SNX31: variants seen among roughly 807,000 people sequenced by gnomAD.
SNX31 encodes sorting nexin-31.
Under a neutral mutation model 65.4 loss-of-function variants are expected in SNX31, and 58 were observed. The observed-to-expected ratio is 0.89, with a 90% CI of 0.72 to 1.10. The LOEUF is 1.10. SNX31 is among the 50% of genes least tolerant of loss of function. The probability of loss-of-function intolerance (pLI) is 0.00; values close to 1 mark genes in which losing one functional copy is unlikely to be tolerated. For missense variants in SNX31, 523 were observed against 529.7 expected (o/e 0.99, Z 0.12); for synonymous variants, 181 against 190.1 (o/e 0.95, Z 0.39).
Position 100,613,304 on chromosome 8 carries a change from C to G in SNX31, c.433-219G>C, listed in dbSNP as rs564503694. 2.6e-5 allele frequency among the ~76,000 whole-genome samples: 4 copies of G among 152,176 alleles called. No homozygotes were observed. In the South Asian group the frequency reaches 8.3e-4, roughly 32 times the overall value. On this transcript the variant is annotated intron_variant, in intron 5 of 13. Transcript: ENST00000311812. This position sits in a 1 kb window ranked among gnomAD's most constrained non-coding sequence, Gnocchi z 5.2. ...TAGAATAAAGAAAATAAAAATCAGC[C>G]CCACCACAATGGACAGAGGCTGGCC...
rs547244876 is a variant in SNX31 at position 100,610,314 on chromosome 8, C to G, written c.611+1686G>C. On this transcript the variant is annotated intron_variant, in intron 7 of 13. Transcript: ENST00000311812. This position sits in a 1 kb window ranked among gnomAD's most constrained non-coding sequence, Gnocchi z 4.0. ...AGAATCATCATCTCTCCTTTGATCT[C>G]AGGTTTTATGAAGCGCACATGAGTG... Among the ~76,000 whole-genome samples, 1 of 151,794 alleles carries G rather than the reference C, an allele frequency of 6.6e-6. No homozygotes were observed. The highest frequency in any genetic ancestry group is 1.5e-5 in the Non-Finnish European group (1 of 67,996).
intron 5 of SNX31, among the ~76,000 whole-genome samples, chr8:100,616,837 A>T (rs1817248205): frequency 6.6e-6 from 1 of 152,230 alleles, no homozygotes; most frequent in Admixed American, 6.5e-5. Context: ...TAACCCAAGC[A>T]CAAGAACGTT....
At chr8:100,650,268 C>A (rs996376616), upstream of SNX31, among the ~76,000 whole-genome samples, 3 of 152,186 alleles carry the variant, frequency 2.0e-5, no homozygotes, top group Non-Finnish European at 4.4e-5. Context: ...CCCACCTTGC[C>A]GTGATCACAG....
chr8:100,618,858 T>C (rs1817466672), intron 4 of SNX31: 1 of 158,302 alleles, frequency 6.3e-6, no homozygotes, highest in African/African-American at 2.4e-5. Flanking sequence ...ACCCCATTGC[T>C]TAGGGGGGTT....
chr8:100,635,172 G>A (rs1818673105), intron 3 of SNX31, among the ~76,000 whole-genome samples: 1 of 150,404 alleles, frequency 6.6e-6, no homozygotes, highest in Non-Finnish European at 1.5e-5. Flanking sequence ...AGGATCACTT[G>A]AGCCCAGAAA....
intron 11 of SNX31, among the ~76,000 whole-genome samples, chr8:100,586,436 T>C (rs1814056433): frequency 6.6e-6 from 1 of 152,232 alleles, no homozygotes; most frequent in Non-Finnish European, 1.5e-5. Flanking sequence ...AAGACCTTAC[T>C]AGGAATCCTT....
intron 4 of SNX31, among the ~76,000 whole-genome samples, chr8:100,619,338 G>A (rs1817510374): frequency 6.6e-6 from 1 of 152,228 alleles, no homozygotes; most frequent in Non-Finnish European, 1.5e-5. Flanking sequence ...CCAGTGAAGG[G>A]AAGTGAGTTG....
intron 1 of SNX31, among the ~76,000 whole-genome samples, chr8:100,658,639 A>G (rs1809710630): frequency 6.6e-6 from 1 of 152,236 alleles, no homozygotes; most frequent in African/African-American, 2.4e-5. Context: ...GAGGTTAAGC[A>G]TCTTGCCCAA....
chr8:100,584,004 G>C, intron 12 of SNX31, 107 bp downstream of exon 12: 1 of 955,496 alleles, frequency 1.0e-6, no homozygotes, highest in Non-Finnish European at 1.6e-6. Flanking sequence ...CCTCCCTTTA[G>C]GACTAGACCT....
chr8:100,657,808 T>C (rs191915496), intron 1 of SNX31: 9 of 455,562 alleles, frequency 2.0e-5, no homozygotes, highest in South Asian at 3.1e-5. Flanking sequence ...GAGGCAGAGG[T>C]TGCAGTAAGC....
intron 4 of SNX31, among the ~76,000 whole-genome samples, chr8:100,623,373 C>A (rs1463420694): frequency 2.0e-5 from 3 of 152,236 alleles, no homozygotes; most frequent in Non-Finnish European, 2.9e-5. Context: ...ACCTCCAACA[C>A]TGGGAACTAC....
chr8:100,616,010 G>A lies in SNX31; in HGVS notation c.432+1610C>T, dbSNP rs185427868. On this transcript the variant is annotated intron_variant, in intron 5 of 13. Transcript: ENST00000311812. ...AGAATGGTCTCGATCTCCTGACCTC[G>A]TGATCCGCCCACCTTGGCCTCCCAA... 6.7e-3 allele frequency among the ~76,000 whole-genome samples: 1,021 copies of A among 152,166 alleles called. 5 individuals carry two copies. The highest frequency in any genetic ancestry group is 0.011 in the Non-Finnish European group (715 of 67,998).
intron 11 of SNX31, among the ~76,000 whole-genome samples, chr8:100,586,296 A>G (rs533561692): frequency 6.6e-6 from 1 of 152,376 alleles, no homozygotes; most frequent in Non-Finnish European, 1.5e-5. Flanking sequence ...AAAGCACACA[A>G]GTCACATTTC....
intron 10 of SNX31, 66 bp from the exon 11 acceptor site, chr8:100,589,045 G>C: frequency 7.8e-7 from 1 of 1,278,288 alleles, no homozygotes. Flanking sequence ...GGGCACGGTG[G>C]CTCACACCTG....
In SNX31 at chr8:100,622,847, C is replaced by G. The variant is rs1007474595; in HGVS notation, c.322-5117G>C. ...CAATGTTTTGTTTGATGTCGCAGTA[C>G]TGGTTTTGGCTGAGGTAACCTCCTC... On this transcript the variant is annotated intron_variant, in intron 4 of 13. Coordinates refer to ENST00000311812, the MANE Select transcript of SNX31 (RefSeq NM_152628.4). This position sits in a 1 kb window ranked among gnomAD's most constrained non-coding sequence, Gnocchi z 5.0. Among the ~76,000 whole-genome samples, 6 of 152,144 alleles carry G rather than the reference C, an allele frequency of 3.9e-5. No individual in the cohort carries two copies. Among genetic ancestry groups the G allele is most frequent in the African/African-American group, 1.4e-4 (6 of 41,488 alleles).
chr8:100,615,363 C>T (rs559420831), intron 5 of SNX31, among the ~76,000 whole-genome samples: 3 of 152,256 alleles, frequency 2.0e-5, no homozygotes, highest in Admixed American at 1.3e-4. Flanking sequence ...AGATCAATAC[C>T]AATACCAATA....
Position 100,573,132 on chromosome 8 carries a change from G to C in SNX31, c.*733C>G, listed in dbSNP as rs1812771936. The C allele has an allele frequency of 6.6e-6, 1 of 152,468 alleles. No individual in the cohort carries two copies. Among genetic ancestry groups the C allele is most frequent in the Admixed American group, 6.6e-5 (1 of 15,262 alleles). The allele number at this position is 152,468 out of a possible 1,614,324, so 9.4% of individuals were successfully genotyped here. A position where few individuals can be genotyped will look rare whatever the true frequency, so the allele number is the denominator to read the frequency against. Reference sequence around the variant, plus strand: ...AGAATTATAAGGTATCTGATATCAGGTGCAGAGCCTTATTGCTTTCCAAAT... The same window carrying C: ...AGAATTATAAGGTATCTGATATCAGCTGCAGAGCCTTATTGCTTTCCAAAT... On this transcript the variant is annotated 3_prime_UTR_variant, in exon 14 of 14. Transcript: ENST00000311812.
At chr8:100,662,211 T>G (rs1809799484) in intron 1 of SNX31, among the ~76,000 whole-genome samples, 2 of 152,164 alleles carry the variant, frequency 1.3e-5, no homozygotes, top group South Asian at 4.1e-4. Context: ...ACTCCATGAT[T>G]GAGAAAACTG....
chr8:100,606,564 C>A (rs901033658), intron 8 of SNX31, among the ~76,000 whole-genome samples: 2 of 152,104 alleles, frequency 1.3e-5, no homozygotes, highest in African/African-American at 2.4e-5. Flanking sequence ...GTAACAAAAT[C>A]CACCCATTGA....
Sources: allele counts gnomAD v4.1 joint callset (sites outside exome capture counted in the v4.1 genomes callset), GRCh38; gene constraint gnomAD v4.1.1; non-coding constraint Gnocchi (gnomAD v3.1); transcripts MANE v1.5; gene names NCBI Gene and HGNC (gene_info 2026-07-23, HGNC 2026-07-21).